VIPR2: variants seen among roughly 807,000 people sequenced by gnomAD.
The protein encoded by VIPR2 is vasoactive intestinal polypeptide receptor 2.
Under a neutral mutation model 58.0 loss-of-function variants are expected in VIPR2, and 48 were observed. That is an observed-to-expected ratio of 0.83 (90% CI 0.66 to 1.05). The LOEUF (loss-of-function observed/expected upper bound fraction) is 1.05, where lower values mean the gene tolerates loss of function less well. VIPR2 is among the 50% of genes least tolerant of loss of function. VIPR2 has a pLI of 0.00. For missense variants in VIPR2, 534 were observed against 558.0 expected, an observed-to-expected ratio of 0.96 and a Z score of 0.43; for synonymous variants, 243 against 235.2, an observed-to-expected ratio of 1.03 and a Z score of -0.30.
In VIPR2 at chr7:159,099,966, A is replaced by C. The variant is rs1298326763; in HGVS notation, c.357+3791T>G. On this transcript the variant is annotated intron_variant, in intron 4 of 12. Coordinates refer to ENST00000262178, the MANE Select transcript of VIPR2 (RefSeq NM_003382.5). The surrounding 1 kb of genome is among the most constrained non-coding windows in gnomAD (Gnocchi z 4.2). ...GCCATGCGCCCCAGGATCCTCCCTG[A>C]GGACCTTCCTCAAGGGCTCACAGCC... 6.6e-6 allele frequency among the ~76,000 whole-genome samples: 1 copy of C among 152,154 alleles called. No homozygotes were observed. Among genetic ancestry groups the C allele is most frequent in the Non-Finnish European group, 1.5e-5 (1 of 68,030 alleles).
intron 6 of VIPR2, among the ~76,000 whole-genome samples, chr7:159,038,123 G>A (rs1257993834): frequency 6.6e-6 from 1 of 152,094 alleles, no homozygotes; most frequent in Non-Finnish European, 1.5e-5. Context: ...TTCATATGGT[G>A]GCCTTTCAAT....
At chr7:159,129,831 C>T (rs1796819774) in intron 2 of VIPR2, among the ~76,000 whole-genome samples, 1 of 98,860 alleles carries the variant, frequency 1.0e-5, no homozygotes, top group Admixed American at 9.0e-5. Flanking sequence ...TTCCCTCAAA[C>T]TGGCCTCTGA....
chr7:159,094,668 G>A (rs918682855), intron 4 of VIPR2, among the ~76,000 whole-genome samples: 27 of 152,204 alleles, frequency 1.8e-4, no homozygotes, highest in African/African-American at 6.5e-4. Flanking sequence ...TTTTAAAGAC[G>A]AAGATCCTGC....
chr7:159,104,734 C>A (rs1288779977), intron 3 of VIPR2, among the ~76,000 whole-genome samples: 3 of 151,690 alleles, frequency 2.0e-5, no homozygotes, highest in Non-Finnish European at 4.4e-5. Context: ...GACTGGGTGC[C>A]CCACCCAGTT....
intron 4 of VIPR2, chr7:159,059,364 A>C (rs1855502482): frequency 2.1e-6 from 1 of 471,248 alleles, no homozygotes; most frequent in Non-Finnish European, 4.4e-6. Context: ...ATTCCTATAA[A>C]ATAAAGAGGG....
Position 159,034,434 on chromosome 7 carries a change from G to T in VIPR2, c.880-130C>A, listed in dbSNP as rs528846082. 1.7e-5 allele frequency: 22 copies of T among 1,264,940 alleles called. No homozygotes were observed. In the African/African-American group the frequency reaches 3.1e-4, roughly 18 times the overall value. The allele number at this position is 1,264,940 out of a possible 1,614,324, so 78.4% of individuals were successfully genotyped here. On this transcript the variant is annotated intron_variant, in intron 9 of 12. Coordinates refer to ENST00000262178, the MANE Select transcript of VIPR2 (RefSeq NM_003382.5). ...CCTTCCCTGGGAACTGCCTCTGGGG[G>T]TCCACATGCCTGAAGAGGTCCTTTT...
intron 10 of VIPR2, among the ~76,000 whole-genome samples, chr7:159,033,895 C>G (rs1695686596): frequency 6.6e-6 from 1 of 152,204 alleles, no homozygotes; most frequent in Non-Finnish European, 1.5e-5. Flanking sequence ...AGAAATGGTG[C>G]CTGACTTCCA....
At chr7:159,034,950 T>C (rs1030864648) in intron 8 of VIPR2, among the ~76,000 whole-genome samples, 5 of 152,120 alleles carry the variant, frequency 3.3e-5, no homozygotes, top group African/African-American at 9.7e-5. Context: ...TCAGCCCCAT[T>C]CAGCTGAAAT....
chr7:159,082,245 G>GA (rs1211736186), intron 4 of VIPR2, among the ~76,000 whole-genome samples: 1 of 152,136 alleles, frequency 6.6e-6, no homozygotes, highest in Non-Finnish European at 1.5e-5. Context: ...ACTGGATTAA[G>GA]AAAATGTGGC....
At chr7:159,083,449 G>C (rs1224575557) in intron 4 of VIPR2, among the ~76,000 whole-genome samples, 1 of 152,168 alleles carries the variant, frequency 6.6e-6, no homozygotes, top group Non-Finnish European at 1.5e-5. Context: ...TGAGTGTGTT[G>C]GTCAAGGAGG....
At chr7:159,064,594 A>C (rs1169281512) in intron 4 of VIPR2, among the ~76,000 whole-genome samples, 1 of 152,068 alleles carries the variant, frequency 6.6e-6, no homozygotes, top group African/African-American at 2.4e-5. Context: ...CAGCAGCAGG[A>C]GTACAGGGCC....
At chr7:159,118,556 C>T (rs10261032) in intron 2 of VIPR2, among the ~76,000 whole-genome samples, 3,990 of 152,138 alleles carry the variant, frequency 0.026, 71 homozygotes, top group African/African-American at 0.046. Context: ...GTGAATGAGA[C>T]GGAGGGGAAG....
intron 3 of VIPR2, among the ~76,000 whole-genome samples, chr7:159,104,527 A>AACG (rs1563331497): frequency 5.2e-5 from 5 of 95,510 alleles, no homozygotes; most frequent in Admixed American, 1.1e-4. Flanking sequence ...TCCTGGCAGC[A>AACG]CCCTCCCTCC....
intron 4 of VIPR2, among the ~76,000 whole-genome samples, chr7:159,103,412 C>T (rs1858419858): frequency 6.6e-6 from 1 of 152,156 alleles, no homozygotes; most frequent in Admixed American, 6.5e-5. Flanking sequence ...GACAAGAAAT[C>T]CAAATGCAGA....
chr7:159,108,267 A>G (rs1795849833), intron 3 of VIPR2, among the ~76,000 whole-genome samples: 1 of 152,216 alleles, frequency 6.6e-6, no homozygotes, highest in African/African-American at 2.4e-5. Context: ...TCGCATCCAC[A>G]TCTCTCTAAG....
At chr7:159,082,280 C>A (rs1360489858) in intron 4 of VIPR2, among the ~76,000 whole-genome samples, 1 of 152,196 alleles carries the variant, frequency 6.6e-6, no homozygotes, top group African/African-American at 2.4e-5. Flanking sequence ...GAATACTATG[C>A]AGCCATAAAA....
intron 2 of VIPR2, among the ~76,000 whole-genome samples, chr7:159,133,865 A>C (rs1403226431): frequency 2.0e-5 from 3 of 152,216 alleles, no homozygotes; most frequent in Admixed American, 2.0e-4. Context: ...AATAAATAAG[A>C]ATGTCGATGA....
rs191636532 is a variant in VIPR2 at position 159,121,611 on chromosome 7, T to C, written c.152-11692A>G. On this transcript the variant is annotated intron_variant, in intron 2 of 12. Coordinates refer to ENST00000262178, the MANE Select transcript of VIPR2 (RefSeq NM_003382.5). The stretch of plus-strand genomic sequence containing the variant: ...CCTTGCTTTCCCACTTAATATATCA[T>C]GCATATTTTTCATGTTATTCATGTA... Among the ~76,000 whole-genome samples the C allele has an allele frequency of 5.9e-5, 9 of 152,352 alleles. No individual in the cohort carries two copies. The East Asian group carries it at 1.7e-3, about 29-fold the overall frequency.
In VIPR2 at chr7:159,034,225, T is replaced by G; in HGVS notation, c.959A>C (p.Gln320Pro). ...GACACACACTCACTTGTACTGAGAC[T>G]GGTCGTTGCCGCCGACATCTGGGGA... ...LTSPDVGGND[Q>P]SQYKRLAKST... The change falls in exon 10 of 13, where the codon CAG (glutamine) becomes CCG (proline). Residue 320 changes from glutamine (Q) to proline (P), a missense_variant. By Grantham distance (76) the Gln-to-Pro change is moderately conservative. Around this residue, in one of 3 missense-constraint regions of VIPR2, gnomAD observed 306 missense variants for 285.8 expected, o/e 1.07. Transcript: ENST00000262178. The G allele has an allele frequency of 6.2e-7, 1 of 1,614,034 alleles. No homozygotes were observed. Among genetic ancestry groups the G allele is most frequent in the Non-Finnish European group, 8.5e-7 (1 of 1,179,972 alleles).
Sources: gnomAD v4.1 joint callset for allele counts (sites outside exome capture counted in the v4.1 genomes callset) on GRCh38, gnomAD v4.1.1 for gene constraint, gnomAD v4.1.1 regional missense constraint, Gnocchi (gnomAD v3.1) non-coding constraint, MANE v1.5 for transcripts, NCBI Gene and HGNC (gene_info 2026-07-23, HGNC 2026-07-21) for gene names.